The following ROS1 variants were observed in gnomAD, a reference collection of about 807,000 sequenced individuals.
ROS1 encodes the protein proto-oncogene tyrosine-protein kinase ROS.
ROS1 carries 263 observed loss-of-function variants against 273.5 expected under a neutral mutation model. The ratio of observed to expected loss-of-function variants is 0.96; its 90% CI spans 0.87 to 1.06. The LOEUF (loss-of-function observed/expected upper bound fraction) is 1.06, where lower values mean the gene tolerates loss of function less well. ROS1 is among the 50% of genes least tolerant of loss of function. The pLI is 0.00. For missense variants in ROS1, 2,833 were observed against 2,751.1 expected (o/e 1.03, Z -0.67); for synonymous variants, 1,008 against 954.1 (o/e 1.06, Z -1.04).
chr6:117,402,987 T>C, intron 7 of ROS1, 152 bp downstream of exon 7: 1 of 769,444 alleles, frequency 1.3e-6, no homozygotes, highest in Non-Finnish European at 2.1e-6. Flanking sequence ...TGTGAGTACC[T>C]AGAATACTAC....
chr6:117,368,872 G>T (rs1038333552), intron 18 of ROS1, among the ~76,000 whole-genome samples: 5 of 151,898 alleles, frequency 3.3e-5, no homozygotes. Context: ...GTGAAAAAAA[G>T]AATATAAAAT....
At chr6:117,321,112 G>T (rs2128562605) in intron 36 of ROS1, 147 bp downstream of exon 36, 1 of 774,652 alleles carries the variant, frequency 1.3e-6, no homozygotes, top group Non-Finnish European at 1.9e-6. Context: ...TCACATTTGA[G>T]AGTGGAAGAG....
intron 2 of ROS1, 74 bp from the exon 3 acceptor site, chr6:117,416,391 TG>T (rs1369527746): frequency 2.1e-6 from 2 of 971,918 alleles, no homozygotes; most frequent in Non-Finnish European, 3.3e-6. Flanking sequence ...GAAAGTACAA[TG>T]TAGTAACAAA....
chr6:117,326,089 GATTATATATAT>G (rs768399225), intron 34 of ROS1, 124 bp downstream of exon 34: 2,801 of 166,488 alleles, frequency 0.017, 30 homozygotes, highest in Middle Eastern at 0.02. Context: ...TGGATAATAA[GATTATATATAT>G]ATATATATAT....
At chr6:117,321,885 T>C (rs147419466) in intron 35 of ROS1, among the ~76,000 whole-genome samples, 67 of 149,860 alleles carry the variant, frequency 4.5e-4, no homozygotes, top group East Asian at 1.2e-3. Flanking sequence ...GTTGTTCATA[T>C]ACACATACTC....
intron 17 of ROS1, 40 bp from the exon 18 acceptor site, chr6:117,379,199 G>T: frequency 8.0e-7 from 1 of 1,251,602 alleles, no homozygotes; most frequent in Non-Finnish European, 1.2e-6. Context: ...CCAAATACAT[G>T]TTTGAAGCAT....
intron 32 of ROS1, among the ~76,000 whole-genome samples, chr6:117,332,123 CAAAA>C (rs1777119181): frequency 1.6e-5 from 2 of 126,314 alleles, no homozygotes; most frequent in South Asian, 5.1e-4. Context: ...CACACAGGCT[CAAAA>C]TAAAGGGATT....
chr6:117,422,702 A>C (rs1775849296), intron 1 of ROS1, among the ~76,000 whole-genome samples: 1 of 152,136 alleles, frequency 6.6e-6, no homozygotes, highest in Non-Finnish European at 1.5e-5. Flanking sequence ...GGAACTTAAG[A>C]TACAAATCAA....
chr6:117,317,328 G>A (rs572963497), intron 38 of ROS1, 56 bp from the exon 39 acceptor site: 594 of 1,570,982 alleles, frequency 3.8e-4, no homozygotes, highest in Middle Eastern at 6.9e-4. Flanking sequence ...AGTCCTAGCC[G>A]AGGGTCTTTA....
Position 117,342,462 on chromosome 6 carries a change from T to C in ROS1, c.4589A>G (p.Tyr1530Cys). 1 of 1,610,764 alleles carries C rather than the reference T, an allele frequency of 6.2e-7. No individual in the cohort carries two copies. The highest frequency in any genetic ancestry group is 1.3e-5 in the African/African-American group (1 of 74,932). ...TGGTAAATGTTCCAAAGGATCTGAA[T>C]AATAATTTTTTACAGCTATCTGTAT... ...YMIQIAVKNYYSDPLEHLPPG... is the reference protein window; with the variant it reads ...YMIQIAVKNYCSDPLEHLPPG... Residue 1530 changes from tyrosine (Y) to cysteine (C), a missense_variant, in exon 29 of 44, where the codon TAT (tyrosine) becomes TGT (cysteine). Tyr to Cys is a radical substitution (Grantham distance 194). Coordinates refer to ENST00000368507, the MANE Select transcript of ROS1 (RefSeq NM_001378902.1).
Position 117,418,478 on chromosome 6 carries a change from T to C in ROS1, c.152A>G (p.His51Arg). Residue 51 changes from histidine (H) to arginine (R), a missense_variant, in exon 2 of 44, where the codon CAT (histidine) becomes CGT (arginine). Physicochemically the swap from His to Arg is conservative, Grantham distance 29. Transcript: ENST00000368507. ...LGQQLDLGTP[H>R]NLSEPCIQGC... ...ATTACTTACCGGTTCACTCAGATTATGTGGTGTGCCAAGGTCAAGCTGCTG... is the reference window on the plus strand; with the variant it reads ...ATTACTTACCGGTTCACTCAGATTACGTGGTGTGCCAAGGTCAAGCTGCTG... 1 of 1,602,330 alleles carries C rather than the reference T, an allele frequency of 6.2e-7. No individual in the cohort carries two copies. Among genetic ancestry groups the C allele is most frequent in the Non-Finnish European group, 8.5e-7 (1 of 1,175,572 alleles).
intron 27 of ROS1, among the ~76,000 whole-genome samples, chr6:117,348,196 T>C (rs1028930396): frequency 1.3e-5 from 2 of 152,032 alleles, no homozygotes; most frequent in Non-Finnish European, 2.9e-5. Context: ...GAATGCATCA[T>C]TGAATCCATC....
chr6:117,341,806 G>C (rs112908795), intron 29 of ROS1, among the ~76,000 whole-genome samples, 174 bp from the exon 30 acceptor site: 7 of 152,222 alleles, frequency 4.6e-5, no homozygotes, highest in South Asian at 2.1e-4. Context: ...TGCCTAAAAG[G>C]CTCCCACTTA....
intron 12 of ROS1, among the ~76,000 whole-genome samples, chr6:117,392,867 C>CT (rs1370476296): frequency 7.2e-5 from 11 of 152,246 alleles, no homozygotes; most frequent in Middle Eastern, 6.8e-3. Flanking sequence ...AATGAAGGGG[C>CT]TTTATCACAG....
intron 18 of ROS1, among the ~76,000 whole-genome samples, chr6:117,369,412 A>G (rs1265290858): frequency 6.6e-6 from 1 of 152,198 alleles, no homozygotes; most frequent in Admixed American, 6.5e-5. Context: ...TCTCTACTAA[A>G]AAATACAAAA....
At chr6:117,310,054 C>T (rs2128547822) in intron 41 of ROS1, 27 bp downstream of exon 41, 1 of 1,576,726 alleles carries the variant, frequency 6.3e-7, no homozygotes, top group Non-Finnish European at 8.7e-7. Flanking sequence ...ATTCTGTCAG[C>T]ATTACTCTGT....
In ROS1 at chr6:117,385,740, C is replaced by T. The variant is rs763686024; in HGVS notation, c.2232G>A (p.Gly744=). ...GACCCAGCCACTCAAAAGCTAAAGC[C>T]CCTGCTCCTGCAATGCTGGGTAGGT... The part of the protein sequence containing the change: ...NYHLPSIAGA[G]ALAFEWLGHF... The change falls in exon 16 of 44, where the codon GGG becomes GGA. Residue 744 remains glycine, a synonymous_variant. Coordinates refer to ENST00000368507, the MANE Select transcript of ROS1 (RefSeq NM_001378902.1). 6.2e-7 allele frequency: 1 copy of T among 1,614,126 alleles called. No individual in the cohort carries two copies. The highest frequency in any genetic ancestry group is 8.5e-7 in the Non-Finnish European group (1 of 1,180,030).
intron 24 of ROS1, among the ~76,000 whole-genome samples, chr6:117,359,413 G>A (rs189440795): frequency 6.6e-6 from 1 of 152,154 alleles, no homozygotes; most frequent in South Asian, 2.1e-4. Flanking sequence ...TAACTTGCCA[G>A]TGGTCACAAA....
At chr6:117,330,425 A>C (rs1776996221) in intron 32 of ROS1, among the ~76,000 whole-genome samples, 1 of 152,220 alleles carries the variant, frequency 6.6e-6, no homozygotes, top group Non-Finnish European at 1.5e-5. Context: ...AAGCCCAGAC[A>C]AGTGGGCTTT....
Sources: gnomAD v4.1 joint callset for allele counts (sites outside exome capture counted in the v4.1 genomes callset) on GRCh38, gnomAD v4.1.1 for gene constraint, MANE v1.5 for transcripts, NCBI Gene and HGNC (gene_info 2026-07-23, HGNC 2026-07-21) for gene names.